Variants in ETNK1 observed in about 807,000 individuals in gnomAD.
ETNK1 encodes ethanolamine kinase 1.
In ETNK1, 8 loss-of-function variants were observed where a neutral mutation model predicts 45.1. That is an observed-to-expected ratio of 0.18 (90% confidence interval 0.10 to 0.32). ETNK1 has a LOEUF of 0.32. ETNK1 is among the 10% of genes least tolerant of loss of function. The probability of loss-of-function intolerance (pLI) is 1.00; values close to 1 mark genes in which losing one functional copy is unlikely to be tolerated. For missense variants in ETNK1, 302 were observed against 430.6 expected, an observed-to-expected ratio of 0.70 and a Z score of 2.64; for synonymous variants, 152 against 151.9, an observed-to-expected ratio of 1.00 and a Z score of -0.01.
intron 1 of ETNK1, among the ~76,000 whole-genome samples, chr12:22,628,977 A>T (rs1953539369): frequency 6.6e-6 from 1 of 152,088 alleles, no homozygotes; most frequent in Non-Finnish European, 1.5e-5. Flanking sequence ...TTTTGAGTCC[A>T]GATTCTATAC....
intron 3 of ETNK1, 85 bp downstream of exon 3, chr12:22,659,239 G>A (rs1471976387): frequency 7.4e-7 from 1 of 1,346,206 alleles, no homozygotes; most frequent in Non-Finnish European, 1.0e-6. Flanking sequence ...AAGTTTCATT[G>A]TATAAAATCT....
At chr12:22,644,294 GT>G (rs1396011252) in intron 2 of ETNK1, 2 of 1,597,038 alleles carry the variant, frequency 1.3e-6, no homozygotes, top group Non-Finnish European at 1.7e-6. Context: ...CTTCTGCTTA[GT>G]TTTTTCTAGT....
At chr12:22,637,776 G>A (rs150530311) in intron 1 of ETNK1, among the ~76,000 whole-genome samples, 18 of 152,204 alleles carry the variant, frequency 1.2e-4, no homozygotes, top group African/African-American at 4.3e-4. Context: ...GGAAGGATGT[G>A]TACAAAATAG....
At chr12:22,673,684 A>G (rs760027138) in intron 6 of ETNK1, 24 bp downstream of exon 6, 23 of 1,582,256 alleles carry the variant, frequency 1.5e-5, no homozygotes, top group Non-Finnish European at 2.0e-5. Flanking sequence ...TACACAATTA[A>G]TGAAAGGTTC....
chr12:22,639,050 G>A (rs1291652423), intron 1 of ETNK1: 1 of 151,986 alleles, frequency 6.6e-6, no homozygotes, highest in Non-Finnish European at 1.5e-5. Context: ...ATTTGTTTGA[G>A]TTAGGAAACA....
At chr12:22,654,112 A>G (rs199788636) in intron 2 of ETNK1, among the ~76,000 whole-genome samples, 2 of 152,244 alleles carry the variant, frequency 1.3e-5, no homozygotes, top group Non-Finnish European at 2.9e-5. Flanking sequence ...AAAGAGGCCC[A>G]AAGAAATTTA....
At chr12:22,641,375 C>G (rs1426344580) in intron 1 of ETNK1, among the ~76,000 whole-genome samples, 1 of 152,122 alleles carries the variant, frequency 6.6e-6, no homozygotes, top group Non-Finnish European at 1.5e-5. Flanking sequence ...CTCATATTAG[C>G]CAGGATAAGG....
intron 1 of ETNK1, among the ~76,000 whole-genome samples, chr12:22,631,975 A>G (rs970353451): frequency 6.6e-6 from 1 of 151,974 alleles, no homozygotes; most frequent in African/African-American, 2.4e-5. Context: ...ACATATACCC[A>G]CCCCAACCCA....
chr12:22,664,182 C>T (rs1200849869), intron 4 of ETNK1, among the ~76,000 whole-genome samples: 1 of 151,006 alleles, frequency 6.6e-6, no homozygotes, highest in Non-Finnish European at 1.5e-5. Context: ...ATTTAATAGT[C>T]AAAAATAGTC....
intron 1 of ETNK1, among the ~76,000 whole-genome samples, chr12:22,635,099 C>A (rs1364139899): frequency 6.6e-6 from 1 of 152,212 alleles, no homozygotes; most frequent in Non-Finnish European, 1.5e-5. Context: ...CCCCTTCTCA[C>A]CAAATAAAAA....
At chr12:22,681,204 A>G (rs1439835177) in intron 6 of ETNK1, among the ~76,000 whole-genome samples, 3 of 140,608 alleles carry the variant, frequency 2.1e-5, no homozygotes, top group Non-Finnish European at 5.0e-5. Context: ...CCCTATAAAA[A>G]TGGTTGCCTA....
At chr12:22,670,369 ATT>A (rs72477831) in intron 4 of ETNK1, among the ~76,000 whole-genome samples, 35,504 of 145,012 alleles carry the variant, frequency 0.24, 4,863 homozygotes, top group Non-Finnish European at 0.33. Flanking sequence ...ACCCACATTG[ATT>A]TTTTTTTTTT....
chr12:22,635,320 A>G (rs1953641642), intron 1 of ETNK1, among the ~76,000 whole-genome samples: 1 of 152,252 alleles, frequency 6.6e-6, no homozygotes, highest in Non-Finnish European at 1.5e-5. Context: ...GGTCTGCTGT[A>G]GCCCAAGAAG....
In ETNK1 at chr12:22,690,598, C is replaced by T. The variant is rs1301595597; in HGVS notation, c.*5644C>T. 1 of 152,198 alleles carries T rather than the reference C, an allele frequency of 6.6e-6. No individual in the cohort carries two copies. Among genetic ancestry groups the T allele is most frequent in the East Asian group, 1.9e-4 (1 of 5,190 alleles). 9.4% of individuals were successfully genotyped at this position (152,198 alleles called of 1,614,324 possible). ...CCATTGATTAAATGAAGGAATGTAT[C>T]TTTTTGAAGAGATTTATATTCTGTA... is the stretch of plus-strand genomic sequence containing the variant. On this transcript the variant is annotated 3_prime_UTR_variant, in exon 8 of 8. Coordinates refer to ENST00000266517, the MANE Select transcript of ETNK1 (RefSeq NM_018638.5).
chr12:22,653,233 A>C (rs1953899806), intron 2 of ETNK1, among the ~76,000 whole-genome samples: 1 of 152,136 alleles, frequency 6.6e-6, no homozygotes, highest in Admixed American at 6.5e-5. Context: ...TCTTTGTGAC[A>C]GCACCATAAT....
intron 6 of ETNK1, among the ~76,000 whole-genome samples, chr12:22,673,993 A>G (rs1954136921): frequency 6.6e-6 from 1 of 152,174 alleles, no homozygotes; most frequent in African/African-American, 2.4e-5. Context: ...CTTTACATCA[A>G]AGTCAAATTT....
intron 4 of ETNK1, among the ~76,000 whole-genome samples, chr12:22,669,236 A>G (rs1565446786): frequency 6.6e-6 from 1 of 152,038 alleles, no homozygotes; most frequent in African/African-American, 2.4e-5. Context: ...CTTTTTACTG[A>G]TAGTTTTGTA....
chr12:22,682,178 G>A, intron 6 of ETNK1: 1 of 254,836 alleles, frequency 3.9e-6, no homozygotes, highest in Non-Finnish European at 8.0e-6. Context: ...GATCACATAT[G>A]TTGATATCAC....
At position 22,684,543 on chromosome 12, in the gene ETNK1, T is replaced by G; in HGVS notation, c.1006T>G (p.Phe336Val). Residue 336 changes from phenylalanine to valine, a missense_variant, in exon 7 of 8, where the codon TTT (phenylalanine) becomes GTT (valine). By Grantham distance (50) the Phe-to-Val change is conservative. Coordinates refer to ENST00000266517, the MANE Select transcript of ETNK1 (RefSeq NM_018638.5). Reference protein sequence around the residue: ...LIQAKYSTIEFDFLGYAIVRF... With the variant: ...LIQAKYSTIEVDFLGYAIVRF... ...TCAAGCCAAATACTCCACTATTGAGTTTGATTTCCTTGGGTAAGTTAAATT... is the reference window on the plus strand; with the variant it reads ...TCAAGCCAAATACTCCACTATTGAGGTTGATTTCCTTGGGTAAGTTAAATT... The G allele has an allele frequency of 1.9e-6, 3 of 1,605,984 alleles. No homozygotes were observed. Among genetic ancestry groups the G allele is most frequent in the Non-Finnish European group, 2.6e-6 (3 of 1,174,462 alleles).
Sources: gnomAD v4.1 joint callset for allele counts (sites outside exome capture counted in the v4.1 genomes callset) on GRCh38, gnomAD v4.1.1 for gene constraint, MANE v1.5 for transcripts, NCBI Gene and HGNC (gene_info 2026-07-23, HGNC 2026-07-21) for gene names.